Variants in DPF3 observed in about 807,000 individuals in gnomAD.
The protein encoded by DPF3 is double PHD fingers 3, also known as zinc finger protein DPF3.
DPF3 carries 18 observed loss-of-function variants against 56.8 expected under a neutral mutation model. The ratio of observed to expected loss-of-function variants is 0.32; its 90% CI spans 0.22 to 0.47. The LOEUF is 0.47. Ranked by LOEUF, DPF3 falls within the 20% of genes least tolerant of loss-of-function variation. DPF3 has a pLI of 1.00. For missense variants in DPF3, 403 were observed against 488.8 expected (o/e 0.82, Z 1.65); for synonymous variants, 188 against 180.2 (o/e 1.04, Z -0.35).
Position 72,793,663 on chromosome 14 carries a change from T to C in DPF3, c.33-21770A>G, listed in dbSNP as rs59327971. Among the ~76,000 whole-genome samples the C allele has an allele frequency of 4.7e-3, 711 of 152,218 alleles. 6 individuals carry two copies. Among genetic ancestry groups the C allele is most frequent in the African/African-American group, 0.016 (680 of 41,530 alleles). ...CTGGGCCATGTAGAGCATCCAAAGA[T>C]GGGGTGGGGAAGCCCCAGGGGAGAG... On this transcript the variant is annotated intron_variant, in intron 1 of 10. Transcript: ENST00000556509.
intron 1 of DPF3, among the ~76,000 whole-genome samples, chr14:72,818,160 G>C (rs1353063473): frequency 6.6e-6 from 1 of 151,688 alleles, no homozygotes; most frequent in East Asian, 1.9e-4. Flanking sequence ...AGAATCCCTT[G>C]AACCCAGGAG....
intron 1 of DPF3, among the ~76,000 whole-genome samples, chr14:72,883,960 C>T (rs1049072901): frequency 4.0e-5 from 6 of 151,784 alleles, no homozygotes; most frequent in African/African-American, 1.5e-4. Context: ...AAAAAGAATC[C>T]ATTCTTGCCA....
intron 1 of DPF3, among the ~76,000 whole-genome samples, chr14:72,873,772 A>G (rs956584843): frequency 6.6e-6 from 1 of 152,150 alleles, no homozygotes; most frequent in African/African-American, 2.4e-5. Context: ...TGTCCCTTGT[A>G]GGGACATGGA....
In DPF3 at chr14:72,618,041, C is replaced by T. The variant is rs1418764486; in HGVS notation, c.*1256G>A. 6.9e-6 allele frequency among the ~76,000 whole-genome samples: 1 copy of T among 145,816 alleles called. No individual in the cohort carries two copies. Among genetic ancestry groups the T allele is most frequent in the Admixed American group, 6.9e-5 (1 of 14,446 alleles). On this transcript the variant is annotated 3_prime_UTR_variant, in exon 11 of 11. Coordinates refer to ENST00000556509, the MANE Select transcript of DPF3 (RefSeq NM_001280542.3). Reference sequence around the variant, plus strand: ...GTTCTCGGAAGCTCAGCCTCCCCACCTCTTTCTTCTAGACACATTTTTTTT... The same window carrying T: ...GTTCTCGGAAGCTCAGCCTCCCCACTTCTTTCTTCTAGACACATTTTTTTT...
At chr14:72,651,103 AG>A (rs1263512443) in intron 8 of DPF3, among the ~76,000 whole-genome samples, 1 of 152,240 alleles carries the variant, frequency 6.6e-6, no homozygotes, top group African/African-American at 2.4e-5. Context: ...TGACTTGCTC[AG>A]GGTACAGGAA....
At chr14:72,702,838 C>G (rs986279748) in intron 6 of DPF3, among the ~76,000 whole-genome samples, 1 of 152,176 alleles carries the variant, frequency 6.6e-6, no homozygotes, top group Admixed American at 6.5e-5. Context: ...AGGCTTTTCT[C>G]AAAAGCCAAC....
intron 2 of DPF3, among the ~76,000 whole-genome samples, chr14:72,755,949 TTA>T (rs1270760049): frequency 6.6e-6 from 1 of 152,186 alleles, no homozygotes; most frequent in Non-Finnish European, 1.5e-5. Context: ...CTTATGTTGT[TTA>T]TCTCAGAACA....
intron 3 of DPF3, among the ~76,000 whole-genome samples, chr14:72,746,102 G>T (rs1890313001): frequency 6.6e-6 from 1 of 152,210 alleles, no homozygotes; most frequent in African/African-American, 2.4e-5. Flanking sequence ...CCACCCCCCA[G>T]GGGGCACCAC....
At chr14:72,874,609 C>T (rs1285580695) in intron 1 of DPF3, among the ~76,000 whole-genome samples, 1 of 152,212 alleles carries the variant, frequency 6.6e-6, no homozygotes, top group East Asian at 1.9e-4. Context: ...AGTCTCTTCG[C>T]TAAAACATAA....
At chr14:72,663,236 C>T (rs1886300677) in intron 8 of DPF3, among the ~76,000 whole-genome samples, 1 of 151,158 alleles carries the variant, frequency 6.6e-6, no homozygotes, top group African/African-American at 2.4e-5. Context: ...AGTTAAAACA[C>T]CCCAGAAAGG....
At chr14:72,722,791 G>A (rs145393883) in intron 5 of DPF3, among the ~76,000 whole-genome samples, 5 of 152,314 alleles carry the variant, frequency 3.3e-5, no homozygotes, top group African/African-American at 1.2e-4. Flanking sequence ...CCCTTCGGGC[G>A]TGAACTCTAG....
Position 72,799,983 on chromosome 14 carries a change from A to G in DPF3, c.33-28090T>C, listed in dbSNP as rs144536871. Among the ~76,000 whole-genome samples the G allele has an allele frequency of 5.7e-3, 870 of 152,328 alleles. 6 individuals carry two copies. The highest frequency in any genetic ancestry group is 0.02 in the African/African-American group (844 of 41,568). ...GATACACTCACGAGCTGTTAGTTAC[A>G]TGAGCCCACACATTCCTCTGTGTGC... On this transcript the variant is annotated intron_variant, in intron 1 of 10. Transcript: ENST00000556509.
chr14:72,861,855 A>G (rs1318241663), intron 1 of DPF3, among the ~76,000 whole-genome samples: 1 of 152,216 alleles, frequency 6.6e-6, no homozygotes, highest in African/African-American at 2.4e-5. Context: ...CTTTATCACA[A>G]TAATGGAAAT....
Position 72,629,695 on chromosome 14 carries a change from C to A in DPF3, c.913G>T (p.Ala305Ser), listed in dbSNP as rs1039526201. 6.5e-7 allele frequency: 1 copy of A among 1,536,080 alleles called. No homozygotes were observed. The highest frequency in any genetic ancestry group is 1.2e-5 in the South Asian group (1 of 84,058). ...CACTGCCACTTGTAGGTCTTGACAG[C>A]CTCGGTCATGTTCAGGGTAAACTGC... ...CLQFTLNMTE[A>S]VKTYKWQCIE... The change falls in exon 9 of 11, where the codon GCT becomes TCT. Residue 305 changes from alanine (A) to serine (S), a missense_variant. Physicochemically the swap from Ala to Ser is moderately conservative, Grantham distance 99. Around this residue, in one of 2 missense-constraint regions of DPF3, gnomAD observed 63 missense variants for 114.4 expected, o/e 0.55. Coordinates refer to ENST00000556509, the MANE Select transcript of DPF3 (RefSeq NM_001280542.3).
chr14:72,792,660 C>T (rs1447217486), intron 1 of DPF3, among the ~76,000 whole-genome samples: 2 of 151,896 alleles, frequency 1.3e-5, no homozygotes, highest in South Asian at 2.1e-4. Flanking sequence ...TCCAAGGACC[C>T]GCAGTAGCAG....
chr14:72,852,486 G>T (rs759163357), intron 1 of DPF3, among the ~76,000 whole-genome samples: 18 of 152,178 alleles, frequency 1.2e-4, no homozygotes, highest in Non-Finnish European at 2.5e-4. Context: ...GGGTGGGATC[G>T]GTGTGTGTAA....
chr14:72,792,095 GC>G (rs1221833418), intron 1 of DPF3, among the ~76,000 whole-genome samples: 1 of 99,656 alleles, frequency 1.0e-5, no homozygotes, highest in Non-Finnish European at 2.1e-5. Flanking sequence ...CCCCACCCCC[GC>G]CCCCAACCCC....
chr14:72,666,293 C>T (rs1434671038), intron 8 of DPF3, among the ~76,000 whole-genome samples: 1 of 152,222 alleles, frequency 6.6e-6, no homozygotes, highest in Non-Finnish European at 1.5e-5. Flanking sequence ...GACATTGCTA[C>T]TTCTCAGAAA....
intron 2 of DPF3, among the ~76,000 whole-genome samples, chr14:72,761,528 C>G (rs993915736): frequency 2.0e-5 from 3 of 151,908 alleles, no homozygotes; most frequent in Non-Finnish European, 2.9e-5. Context: ...AAACTAAAAA[C>G]CCTATATCAA....
Sources: gnomAD v4.1 joint callset for allele counts (sites outside exome capture counted in the v4.1 genomes callset) on GRCh38, gnomAD v4.1.1 for gene constraint, gnomAD v4.1.1 regional missense constraint, MANE v1.5 for transcripts, NCBI Gene and HGNC (gene_info 2026-07-23, HGNC 2026-07-21) for gene names.